The following ENOX1 variants were observed in gnomAD, a reference collection of about 807,000 sequenced individuals.
The protein encoded by ENOX1 is ecto-NOX disulfide-thiol exchanger 1.
A neutral mutation model predicts 82.5 loss-of-function variants in ENOX1; 42 were observed. That is an observed-to-expected ratio of 0.51 (90% CI 0.40 to 0.66). The LOEUF (loss-of-function observed/expected upper bound fraction) is 0.66, where lower values mean the gene tolerates loss of function less well. ENOX1 is among the 30% of genes least tolerant of loss of function. The pLI, the probability that ENOX1 is intolerant of heterozygous loss-of-function variation, is 0.00. For missense variants in ENOX1, 608 were observed against 811.6 expected (o/e 0.75, Z 3.05); for synonymous variants, 271 against 282.2 (o/e 0.96, Z 0.40).
intron 2 of ENOX1, among the ~76,000 whole-genome samples, chr13:43,628,303 C>T (rs1004199836): frequency 1.3e-5 from 2 of 152,108 alleles, no homozygotes; most frequent in African/African-American, 2.4e-5. Flanking sequence ...TCATTATTCT[C>T]TTTACTCTCA....
At chr13:43,445,125 G>T (rs1216975436) in intron 3 of ENOX1, among the ~76,000 whole-genome samples, 8 of 137,816 alleles carry the variant, frequency 5.8e-5, no homozygotes, top group South Asian at 2.3e-4. Context: ...TTCTTTCTGG[G>T]TTTTTTTTTT....
At chr13:43,510,013 C>T (rs991308619) in intron 2 of ENOX1, among the ~76,000 whole-genome samples, 1 of 151,940 alleles carries the variant, frequency 6.6e-6, no homozygotes, top group South Asian at 2.1e-4. Flanking sequence ...ACACATCAGA[C>T]GTCTGTTGGA....
chr13:43,725,273 C>T (rs931766249), intron 1 of ENOX1, among the ~76,000 whole-genome samples: 4 of 152,090 alleles, frequency 2.6e-5, no homozygotes, highest in Non-Finnish European at 4.4e-5. Flanking sequence ...CAACTACCAG[C>T]CAATCACTCT....
intron 5 of ENOX1, among the ~76,000 whole-genome samples, chr13:43,374,376 G>A (rs896493443): frequency 6.6e-6 from 1 of 151,366 alleles, no homozygotes; most frequent in Non-Finnish European, 1.5e-5. Context: ...CTCCCAAATA[G>A]CTGGGACTAC....
intron 2 of ENOX1, among the ~76,000 whole-genome samples, chr13:43,626,706 G>A (rs1426389910): frequency 3.3e-5 from 5 of 151,702 alleles, no homozygotes; most frequent in Non-Finnish European, 5.9e-5. Flanking sequence ...AATCACTCAA[G>A]CTATTATCTT....
chr13:43,582,800 T>A (rs1322970368), intron 2 of ENOX1, among the ~76,000 whole-genome samples: 1 of 152,166 alleles, frequency 6.6e-6, no homozygotes, highest in African/African-American at 2.4e-5. Context: ...AAAGACCTTT[T>A]TAAAAATTAT....
intron 1 of ENOX1, among the ~76,000 whole-genome samples, chr13:43,732,221 A>G (rs1302611013): frequency 6.6e-6 from 1 of 152,192 alleles, no homozygotes; most frequent in Non-Finnish European, 1.5e-5. Context: ...CTGCCTAAAG[A>G]TACAGGATGG....
At chr13:43,727,779 T>C (rs935827286) in intron 1 of ENOX1, among the ~76,000 whole-genome samples, 2 of 152,228 alleles carry the variant, frequency 1.3e-5, no homozygotes, top group African/African-American at 4.8e-5. Flanking sequence ...GAGTGGTTTT[T>C]AAAATACCTT....
At chr13:43,296,835 G>T (rs979010671) in intron 12 of ENOX1, among the ~76,000 whole-genome samples, 1 of 152,198 alleles carries the variant, frequency 6.6e-6, no homozygotes, top group Admixed American at 6.5e-5. Flanking sequence ...GGGAGAAAGG[G>T]AGAGTTGTGT....
At chr13:43,709,714 G>T (rs1408086768) in intron 1 of ENOX1, among the ~76,000 whole-genome samples, 1 of 152,154 alleles carries the variant, frequency 6.6e-6, no homozygotes, top group East Asian at 1.9e-4. Context: ...GGTAGAAGTT[G>T]CAAGTTAAAT....
chr13:43,552,523 C>T (rs886573697), intron 2 of ENOX1, among the ~76,000 whole-genome samples: 2 of 152,098 alleles, frequency 1.3e-5, no homozygotes, highest in Admixed American at 1.3e-4. Flanking sequence ...TATACATTCT[C>T]CTCCCTTTTT....
chr13:43,445,142 G>C (rs964177461), intron 3 of ENOX1, among the ~76,000 whole-genome samples: 2 of 55,186 alleles, frequency 3.6e-5, no homozygotes, highest in Non-Finnish European at 8.7e-5. Context: ...TTTTTTTTTT[G>C]ATACGGAGTC....
At chr13:43,386,377 C>A (rs1035663709) in intron 5 of ENOX1, among the ~76,000 whole-genome samples, 1 of 152,060 alleles carries the variant, frequency 6.6e-6, no homozygotes, top group Non-Finnish European at 1.5e-5. Context: ...ATGGACAGGT[C>A]TATGGGAAAA....
At chr13:43,784,859 C>G (rs1952476626) in intron 1 of ENOX1, among the ~76,000 whole-genome samples, 1 of 152,186 alleles carries the variant, frequency 6.6e-6, no homozygotes. Context: ...GACACAACAT[C>G]AAAACAGCCT....
intron 2 of ENOX1, among the ~76,000 whole-genome samples, chr13:43,507,990 G>T (rs940906196): frequency 9.9e-5 from 15 of 152,000 alleles, no homozygotes; most frequent in Middle Eastern, 3.4e-3. Flanking sequence ...TAATATATTT[G>T]AAAAACATTA....
intron 1 of ENOX1, among the ~76,000 whole-genome samples, chr13:43,669,812 T>A (rs982053703): frequency 6.6e-6 from 1 of 152,150 alleles, no homozygotes; most frequent in Admixed American, 6.5e-5. Flanking sequence ...GGTCAATGAT[T>A]GAGAGAGGAA....
chr13:43,423,854 G>A (rs556259256), intron 3 of ENOX1, among the ~76,000 whole-genome samples: 5 of 152,316 alleles, frequency 3.3e-5, no homozygotes, highest in African/African-American at 1.2e-4. Flanking sequence ...TTGCACTCTT[G>A]TGTTCTTTTC....
intron 2 of ENOX1, among the ~76,000 whole-genome samples, chr13:43,513,129 C>T (rs544232587): frequency 2.0e-5 from 3 of 151,858 alleles, no homozygotes; most frequent in Non-Finnish European, 2.9e-5. Flanking sequence ...GTCAACATGG[C>T]GAAACCCTGT....
At chr13:43,224,332 A>G (rs2153452383) in intron 15 of ENOX1, among the ~76,000 whole-genome samples, 194 bp from the exon 16 acceptor site, 1 of 152,342 alleles carries the variant, frequency 6.6e-6, no homozygotes, top group Middle Eastern at 3.4e-3. Flanking sequence ...AGAACACTTT[A>G]TCTCCTGGAA....
Sources: gnomAD v4.1 joint callset for allele counts (sites outside exome capture counted in the v4.1 genomes callset) on GRCh38, gnomAD v4.1.1 for gene constraint, MANE v1.5 for transcripts, NCBI Gene and HGNC (gene_info 2026-07-23, HGNC 2026-07-21) for gene names.